INO80: variants seen among roughly 807,000 people sequenced by gnomAD.
The protein encoded by INO80 is INO80 complex ATPase subunit, also known as chromatin-remodeling ATPase INO80.
In INO80, 20 loss-of-function variants were observed where a neutral mutation model predicts 203.4. The ratio of observed to expected loss-of-function variants is 0.10; its 90% CI spans 0.07 to 0.14. INO80 has a LOEUF of 0.14. Ranked by LOEUF, INO80 falls within the 10% of genes least tolerant of loss-of-function variation. The pLI is 1.00. For synonymous variants in INO80, 726 were observed against 685.2 expected (o/e 1.06, Z -0.93); for missense variants, 1,419 against 1,914.4 (o/e 0.74, Z 4.83).
Position 41,091,650 on chromosome 15 carries a change from CTTTT to C in INO80, c.537+373_537+376del, listed in dbSNP as rs746421749. 7.9e-5 allele frequency among the ~76,000 whole-genome samples: 7 copies of C among 88,296 alleles called. No homozygotes were observed. In the East Asian group the frequency reaches 1.5e-3, roughly 19 times the overall value. The allele number at this position is 88,296 out of a possible 152,430, so 57.9% of individuals were successfully genotyped here. A position where few individuals can be genotyped will look rare whatever the true frequency, so the allele number is the denominator to read the frequency against. ...TCCAGCTCCATAAAATGATGTATCTCTTTTTTTTTTTTTTTTTTTTTTTGAGACA... is the reference window on the plus strand; with the variant it reads ...TCCAGCTCCATAAAATGATGTATCTCTTTTTTTTTTTTTTTTTTTGAGACA... On this transcript the variant is annotated intron_variant, in intron 5 of 35. Transcript: ENST00000648947.
At chr15:41,104,510 T>G (rs1385940352) in intron 1 of INO80, among the ~76,000 whole-genome samples, 4 of 152,038 alleles carry the variant, frequency 2.6e-5, no homozygotes, top group Non-Finnish European at 4.4e-5. Context: ...TGCTTTGTAC[T>G]CTCTAGTTAC....
At chr15:41,033,839 C>T (rs1406176451) in intron 24 of INO80, among the ~76,000 whole-genome samples, 5 of 151,978 alleles carry the variant, frequency 3.3e-5, no homozygotes, top group Admixed American at 2.0e-4. Flanking sequence ...ATCACGAGGT[C>T]AGGAGATCAA....
At chr15:41,020,253 G>A (rs1464324065) in intron 26 of INO80, among the ~76,000 whole-genome samples, 1 of 152,086 alleles carries the variant, frequency 6.6e-6, no homozygotes, top group Non-Finnish European at 1.5e-5. Context: ...AAATGTCAGA[G>A]ATTTTGGACA....
Position 41,010,153 on chromosome 15 carries a change from C to T in INO80, c.3403-4466G>A, listed in dbSNP as rs982720461. 2.0e-5 allele frequency among the ~76,000 whole-genome samples: 3 copies of T among 152,190 alleles called. No individual in the cohort carries two copies. The East Asian group carries it at 5.8e-4, about 29-fold the overall frequency. On this transcript the variant is annotated intron_variant, in intron 27 of 35. Coordinates refer to ENST00000648947, the MANE Select transcript of INO80 (RefSeq NM_017553.3). ...GTAGGACTTACAGATCACATCCACA[C>T]ACCACATCAGTGGCATGCAAACAGA...
chr15:41,015,341 T>G (rs2044187964), intron 27 of INO80, among the ~76,000 whole-genome samples: 1 of 152,200 alleles, frequency 6.6e-6, no homozygotes, highest in African/African-American at 2.4e-5. Flanking sequence ...AAATCCATAT[T>G]TTTTTAAAGC....
intron 19 of INO80, among the ~76,000 whole-genome samples, chr15:41,053,144 C>A (rs2044913476): frequency 6.6e-6 from 1 of 152,050 alleles, no homozygotes; most frequent in South Asian, 2.1e-4. Context: ...TTCGCTTTGT[C>A]GCCCAGGCTG....
chr15:41,077,988 C>T (rs1296358415), intron 9 of INO80, among the ~76,000 whole-genome samples: 3 of 151,696 alleles, frequency 2.0e-5, no homozygotes, highest in Non-Finnish European at 2.9e-5. Context: ...GCAACCTCCA[C>T]CTCCCGGGTT....
At chr15:41,038,711 C>A (rs1200854711) in intron 24 of INO80, among the ~76,000 whole-genome samples, 2 of 152,150 alleles carry the variant, frequency 1.3e-5, no homozygotes, top group African/African-American at 4.8e-5. Context: ...GCTATCGGGT[C>A]TTTAGTACCT....
intron 24 of INO80, among the ~76,000 whole-genome samples, chr15:41,041,676 C>CA (rs2044670289): frequency 6.6e-6 from 1 of 152,060 alleles, no homozygotes; most frequent in Admixed American, 6.6e-5. Context: ...CTCCTGACCT[C>CA]AGGTGCTCTG....
In INO80 at chr15:41,026,781, T is replaced by C. The variant is rs182290425; in HGVS notation, c.3048+815A>G. ...ACAGAACCTGGCCACAGTTCGATTA[T>C]TTCCCTTCTTGGTAGATCTTTTCTC... is the stretch of plus-strand genomic sequence containing the variant. On this transcript the variant is annotated intron_variant, in intron 25 of 35. Coordinates refer to ENST00000648947, the MANE Select transcript of INO80 (RefSeq NM_017553.3). Among the ~76,000 whole-genome samples, 408 of 152,356 alleles carry C rather than the reference T, an allele frequency of 2.7e-3. 3 individuals are homozygous for C. Among genetic ancestry groups the C allele is most frequent in the South Asian group, 0.013 (62 of 4,828 alleles).
chr15:41,114,224 G>A (rs485267), intron 1 of INO80, among the ~76,000 whole-genome samples: 12,860 of 151,066 alleles, frequency 0.085, 1,691 homozygotes, highest in African/African-American at 0.28. Flanking sequence ...CCGAGATCAC[G>A]CCACTATACT....
chr15:40,991,938 C>T (rs867144150), intron 29 of INO80, among the ~76,000 whole-genome samples: 64 of 152,226 alleles, frequency 4.2e-4, no homozygotes, highest in African/African-American at 1.4e-3. Context: ...CCACCATGCC[C>T]GGCTCATTTT....
chr15:41,105,457 C>T (rs1276028208), intron 1 of INO80, among the ~76,000 whole-genome samples: 1 of 152,100 alleles, frequency 6.6e-6, no homozygotes, highest in Non-Finnish European at 1.5e-5. Flanking sequence ...ACTATTACAA[C>T]CACCATTTTA....
In INO80 at chr15:41,049,432, G is replaced by A; in HGVS notation, c.2443-12C>T. Reference sequence around the variant, plus strand: ...GGGTGATTACACACCTAAAAGGAAGGGAAATGGTAAGACAATATTACCACA... The same window carrying A: ...GGGTGATTACACACCTAAAAGGAAGAGAAATGGTAAGACAATATTACCACA... On this transcript the variant is annotated splice_polypyrimidine_tract_variant and intron_variant, in intron 20 of 35. Coordinates refer to ENST00000648947, the MANE Select transcript of INO80 (RefSeq NM_017553.3). 1 of 1,613,280 alleles carries A rather than the reference G, an allele frequency of 6.2e-7. No homozygotes were observed. The highest frequency in any genetic ancestry group is 8.5e-7 in the Non-Finnish European group (1 of 1,179,494).
intron 23 of INO80, among the ~76,000 whole-genome samples, chr15:41,046,257 T>TA (rs2044765585): frequency 2.6e-5 from 3 of 116,222 alleles, no homozygotes; most frequent in Non-Finnish European, 1.8e-5. Context: ...ATATATATAT[T>TA]CTTGTTCTGT....
Position 41,051,373 on chromosome 15 carries a change from T to C in INO80, c.2275-1271A>G, listed in dbSNP as rs142335263. 3.4e-4 allele frequency among the ~76,000 whole-genome samples: 51 copies of C among 151,952 alleles called. 1 individual carries two copies. In the East Asian group the frequency reaches 8.9e-3, roughly 26 times the overall value. The stretch of plus-strand genomic sequence containing the variant: ...TGAAACCTAGCTCACATGTCATCTT[T>C]GCTTTAATGCCTTCTCTAACTTTCC... On this transcript the variant is annotated intron_variant, in intron 19 of 35. Transcript: ENST00000648947.
At chr15:41,075,112 T>C (rs1318707110) in intron 9 of INO80, among the ~76,000 whole-genome samples, 1 of 152,216 alleles carries the variant, frequency 6.6e-6, no homozygotes, top group Non-Finnish European at 1.5e-5. Context: ...CTTTTCTCTA[T>C]TAGGCTTCTG....
chr15:41,047,730 C>T (rs1392324305), intron 22 of INO80, among the ~76,000 whole-genome samples: 1 of 152,200 alleles, frequency 6.6e-6, no homozygotes, highest in Non-Finnish European at 1.5e-5. Context: ...CTAGAGATGG[C>T]TCCTACATTA....
intron 13 of INO80, 70 bp from the exon 14 acceptor site, chr15:41,069,735 T>C: frequency 1.2e-6 from 1 of 846,544 alleles, no homozygotes; most frequent in South Asian, 1.6e-5. Context: ...TTATAATTAA[T>C]GACAAGAACA....
Sources: allele counts gnomAD v4.1 joint callset (sites outside exome capture counted in the v4.1 genomes callset), GRCh38; gene constraint gnomAD v4.1.1; transcripts MANE v1.5; gene names NCBI Gene and HGNC (gene_info 2026-07-23, HGNC 2026-07-21).